UTRN: variants seen among roughly 807,000 people sequenced by gnomAD.
UTRN encodes utrophin, also known as dystrophin-related protein 1.
Under a neutral mutation model 463.9 loss-of-function variants are expected in UTRN, and 283 were observed. The ratio of observed to expected loss-of-function variants is 0.61; its 90% CI spans 0.55 to 0.67. UTRN has a LOEUF of 0.67. Among genes scored for constraint, UTRN ranks in the 30% least tolerant of loss-of-function variants. The pLI, the probability that UTRN is intolerant of heterozygous loss-of-function variation, is 0.00. For synonymous variants in UTRN, 1,442 were observed against 1,431.5 expected (o/e 1.01, Z -0.17); for missense variants, 3,922 against 4,084.3 (o/e 0.96, Z 1.08).
chr6:144,730,493 C>T lies in UTRN; in HGVS notation c.7939+7C>T, dbSNP rs1441827866. On this transcript the variant is annotated splice_region_variant and intron_variant, in intron 54 of 74. Coordinates refer to ENST00000367545, the MANE Select transcript of UTRN (RefSeq NM_007124.3). ...AACCTACAATCAAAAACAGGTGAGA[C>T]TGGTTTCTCCACTACATCATAAAAA... The T allele has an allele frequency of 6.2e-7, 1 of 1,604,560 alleles. No individual in the cohort carries two copies. The highest frequency in any genetic ancestry group is 1.1e-5 in the South Asian group (1 of 89,922).
intron 52 of UTRN, 73 bp from the exon 53 acceptor site, chr6:144,700,014 A>G: frequency 6.9e-7 from 1 of 1,440,146 alleles, no homozygotes; most frequent in South Asian, 1.6e-5. Context: ...ATGCTAAAGG[A>G]AGGTAGATAA....
intron 58 of UTRN, among the ~76,000 whole-genome samples, chr6:144,760,723 A>G (rs1792564250): frequency 1.3e-5 from 2 of 152,214 alleles, no homozygotes; most frequent in Non-Finnish European, 2.9e-5. Flanking sequence ...CGTGGCTTCA[A>G]AAGTAGAAGA....
intron 33 of UTRN, among the ~76,000 whole-genome samples, chr6:144,498,714 G>A (rs1041987752): frequency 2.6e-5 from 4 of 151,812 alleles, no homozygotes; most frequent in African/African-American, 7.3e-5. Flanking sequence ...GAGTGCAGTG[G>A]CAGGATCACG....
intron 58 of UTRN, among the ~76,000 whole-genome samples, chr6:144,759,436 A>G (rs1792387211): frequency 1.3e-5 from 2 of 152,134 alleles, no homozygotes; most frequent in South Asian, 4.1e-4. Context: ...TAATCTTACA[A>G]ATTTAGATAT....
chr6:144,452,805 G>T (rs774889128), intron 18 of UTRN, among the ~76,000 whole-genome samples: 61 of 151,670 alleles, frequency 4.0e-4, no homozygotes, highest in African/African-American at 5.1e-4. Context: ...TTTGTGGGGC[G>T]TGAGCTTGCA....
chr6:144,483,654 G>A (rs1474661354), intron 27 of UTRN, among the ~76,000 whole-genome samples: 1 of 152,080 alleles, frequency 6.6e-6, no homozygotes, highest in Non-Finnish European at 1.5e-5. Flanking sequence ...TTGCTATGTT[G>A]CCCAAGTTGG....
chr6:144,659,376 C>G (rs997010064), intron 51 of UTRN, among the ~76,000 whole-genome samples: 1 of 152,196 alleles, frequency 6.6e-6, no homozygotes, highest in African/African-American at 2.4e-5. Flanking sequence ...GTCAGATCAG[C>G]CAGGGGAGCT....
intron 51 of UTRN, among the ~76,000 whole-genome samples, chr6:144,595,642 A>G (rs1335887793): frequency 6.6e-6 from 1 of 152,206 alleles, no homozygotes; most frequent in African/African-American, 2.4e-5. Context: ...AGTCTGCAGC[A>G]TCTAGTCAAA....
intron 64 of UTRN, chr6:144,799,454 A>G (rs1365805981): frequency 4.2e-6 from 2 of 471,626 alleles, no homozygotes; most frequent in East Asian, 6.9e-5. Flanking sequence ...CAAAGCACAA[A>G]TGTTGGAAGA....
chr6:144,531,168 G>T lies in UTRN; in HGVS notation c.6023G>T (p.Ser2008Ile), dbSNP rs1212633865. Residue 2008 changes from serine to isoleucine, a missense_variant, in exon 42 of 75, where the codon AGC becomes ATC. Coordinates refer to ENST00000367545, the MANE Select transcript of UTRN (RefSeq NM_007124.3). The stretch of plus-strand genomic sequence containing the variant: ...GTTGATACCTGTGCTCCAGGTGGCA[G>T]CCTGGACTTAGAGAAAGCCAGGATA... ...LLVDTCAPGG[S>I]LDLEKARIHQ... 6.2e-7 allele frequency: 1 copy of T among 1,613,830 alleles called. No homozygotes were observed. The highest frequency in any genetic ancestry group is 1.3e-5 in the African/African-American group (1 of 74,908).
intron 50 of UTRN, among the ~76,000 whole-genome samples, chr6:144,570,614 T>A (rs984736631): frequency 6.6e-6 from 1 of 152,236 alleles, no homozygotes; most frequent in Non-Finnish European, 1.5e-5. Context: ...GAATATTTTT[T>A]AAAGTAGTAT....
At position 144,793,872 on chromosome 6, in the gene UTRN, G is replaced by A; in HGVS notation, c.8959G>A (p.Asp2987Asn). The A allele has an allele frequency of 6.2e-7, 1 of 1,614,088 alleles. No homozygotes were observed. Among genetic ancestry groups the A allele is most frequent in the Non-Finnish European group, 8.5e-7 (1 of 1,179,984 alleles). ...AGTTGCAGGGCCAACAGAAATGTGT[G>A]ACCAGAGGCAGCTGGGCCTGTTACT... ...KEVAGPTEMC[D>N]QRQLGLLLHD... The change falls in exon 63 of 75, where the codon GAC becomes AAC. Residue 2987 changes from aspartate (D) to asparagine (N), a missense_variant. Transcript: ENST00000367545.
At chr6:144,582,663 A>G (rs1802076012) in intron 51 of UTRN, among the ~76,000 whole-genome samples, 1 of 152,192 alleles carries the variant, frequency 6.6e-6, no homozygotes, top group Non-Finnish European at 1.5e-5. Context: ...TTTTTTATTC[A>G]CTTAGCTGTT....
At position 144,550,978 on chromosome 6, in the gene UTRN, A is replaced by G; in HGVS notation, c.6824A>G (p.Asp2275Gly). ...TVSRMKITKA[D>G]LEQRHPQLDY... ...TCTACTTAACAGATTACAAAGGCTG[A>G]CTTAGAACAGCGCCATCCTCAGCTG... The change falls in exon 48 of 75, where the codon GAC becomes GGC. Residue 2275 changes from aspartate (D) to glycine (G), a missense_variant. Asp to Gly is a moderately conservative substitution (Grantham distance 94). Transcript: ENST00000367545. The G allele has an allele frequency of 6.2e-7, 1 of 1,605,230 alleles. No homozygotes were observed. Among genetic ancestry groups the G allele is most frequent in the Non-Finnish European group, 8.5e-7 (1 of 1,177,670 alleles).
intron 65 of UTRN, among the ~76,000 whole-genome samples, chr6:144,813,352 C>G (rs1380810311): frequency 6.6e-6 from 1 of 151,978 alleles, no homozygotes; most frequent in East Asian, 1.9e-4. Context: ...CCACGCCCAG[C>G]TAATTTTTGC....
intron 19 of UTRN, 75 bp from the exon 20 acceptor site, chr6:144,458,695 T>G (rs949853468): frequency 6.7e-7 from 1 of 1,494,404 alleles, no homozygotes; most frequent in East Asian, 2.3e-5. Flanking sequence ...ATTCTGAGTG[T>G]TAGAATGTTC....
At chr6:144,296,119 C>T (rs1804666893) in intron 2 of UTRN, among the ~76,000 whole-genome samples, 2 of 152,208 alleles carry the variant, frequency 1.3e-5, no homozygotes, top group Admixed American at 1.3e-4. Context: ...AGCCTTCCCA[C>T]TAGAACAGGG....
intron 54 of UTRN, among the ~76,000 whole-genome samples, chr6:144,746,997 T>C (rs1412594780): frequency 6.6e-6 from 1 of 152,196 alleles, no homozygotes; most frequent in African/African-American, 2.4e-5. Context: ...ATGTGTTCTG[T>C]CACCTTTGAC....
intron 53 of UTRN, among the ~76,000 whole-genome samples, chr6:144,716,781 A>G (rs1459816524): frequency 6.6e-6 from 1 of 152,076 alleles, no homozygotes; most frequent in East Asian, 1.9e-4. Context: ...CATCTTTTTC[A>G]CTTAGATACA....
Sources: gnomAD v4.1 joint callset for allele counts (sites outside exome capture counted in the v4.1 genomes callset) on GRCh38, gnomAD v4.1.1 for gene constraint, MANE v1.5 for transcripts, NCBI Gene and HGNC (gene_info 2026-07-23, HGNC 2026-07-21) for gene names.